The following RABGAP1L variants were observed in gnomAD, a reference collection of about 807,000 sequenced individuals.
The protein encoded by RABGAP1L is RAB GTPase activating protein 1 like.
RABGAP1L carries 63 observed loss-of-function variants against 137.7 expected under a neutral mutation model. That is an observed-to-expected ratio of 0.46 (90% CI 0.37 to 0.56). RABGAP1L has a LOEUF of 0.56. Ranked by LOEUF, RABGAP1L falls within the 20% of genes least tolerant of loss-of-function variation. The pLI, the probability that RABGAP1L is intolerant of heterozygous loss-of-function variation, is 0.00. For synonymous variants in RABGAP1L, 431 were observed against 433.7 expected (o/e 0.99, Z 0.08); for missense variants, 1,095 against 1,244.0 (o/e 0.88, Z 1.80).
Position 174,580,619 on chromosome 1 carries a change from G to A in RABGAP1L, c.1711-56756G>A, listed in dbSNP as rs539957818. Among the ~76,000 whole-genome samples, 11 of 152,156 alleles carry A rather than the reference G, an allele frequency of 7.2e-5. No homozygotes were observed. In the East Asian group the frequency reaches 1.9e-3, roughly 27 times the overall value. On this transcript the variant is annotated intron_variant, in intron 13 of 25. Transcript: ENST00000681986. ...CACAGGAAGGGGAACATCACACACCGGGGCCTGCTGTGGGGTGGGAGGAGG... is the reference window on the plus strand; with the variant it reads ...CACAGGAAGGGGAACATCACACACCAGGGCCTGCTGTGGGGTGGGAGGAGG...
intron 19 of RABGAP1L, among the ~76,000 whole-genome samples, chr1:174,937,621 T>A (rs1327767947): frequency 7.4e-6 from 1 of 134,310 alleles, no homozygotes; most frequent in African/African-American, 3.3e-5. Flanking sequence ...CTTCATTAAA[T>A]ATATATATAT....
intron 13 of RABGAP1L, among the ~76,000 whole-genome samples, chr1:174,596,619 A>T (rs1669948922): frequency 6.6e-6 from 1 of 152,142 alleles, no homozygotes; most frequent in African/African-American, 2.4e-5. Context: ...TTCTTGATTA[A>T]GTCTTTAGGT....
chr1:174,655,004 T>G (rs1408253958), intron 14 of RABGAP1L, among the ~76,000 whole-genome samples: 1 of 152,174 alleles, frequency 6.6e-6, no homozygotes, highest in Non-Finnish European at 1.5e-5. Context: ...TATATATACA[T>G]ATATTTCCAG....
At chr1:174,307,759 A>T (rs1678433989) in intron 11 of RABGAP1L, among the ~76,000 whole-genome samples, 1 of 152,172 alleles carries the variant, frequency 6.6e-6, no homozygotes, top group Non-Finnish European at 1.5e-5. Context: ...GGCTATTGTG[A>T]ATAATGCTGC....
intron 13 of RABGAP1L, among the ~76,000 whole-genome samples, chr1:174,552,661 T>C (rs927135823): frequency 6.6e-6 from 1 of 152,194 alleles, no homozygotes; most frequent in Non-Finnish European, 1.5e-5. Context: ...GTGTTTGCTT[T>C]TGTGAATAGT....
intron 22 of RABGAP1L, 73 bp downstream of exon 22, chr1:174,976,255 G>A: frequency 8.0e-7 from 1 of 1,243,908 alleles, no homozygotes; most frequent in Non-Finnish European, 1.1e-6. Flanking sequence ...AAAAAAGAAG[G>A]AAAATTAAAT....
intron 14 of RABGAP1L, among the ~76,000 whole-genome samples, chr1:174,649,912 A>T (rs1438501124): frequency 6.6e-6 from 1 of 152,130 alleles, no homozygotes; most frequent in Non-Finnish European, 1.5e-5. Context: ...GTCTTGTGCC[A>T]GTTTTCAAAG....
chr1:174,936,240 G>T (rs61828144), intron 19 of RABGAP1L, among the ~76,000 whole-genome samples: 16,742 of 152,008 alleles, frequency 0.11, 995 homozygotes, highest in East Asian at 0.22. Flanking sequence ...TGAGGTAAGA[G>T]AATCACTTGA....
intron 19 of RABGAP1L, among the ~76,000 whole-genome samples, chr1:174,898,786 C>T (rs1332124425): frequency 6.6e-6 from 1 of 152,032 alleles, no homozygotes; most frequent in African/African-American, 2.4e-5. Context: ...CTAACTTAAG[C>T]CTTTTTAAAA....
intron 20 of RABGAP1L, among the ~76,000 whole-genome samples, chr1:174,960,244 T>A (rs1026360780): frequency 1.3e-4 from 20 of 152,192 alleles, no homozygotes; most frequent in Non-Finnish European, 2.6e-4. Context: ...TTCAGTTCAG[T>A]GCTATTTCTT....
At chr1:174,695,975 G>C (rs1464149439) in intron 15 of RABGAP1L, among the ~76,000 whole-genome samples, 1 of 152,050 alleles carries the variant, frequency 6.6e-6, no homozygotes, top group Non-Finnish European at 1.5e-5. Flanking sequence ...CTCATGCTGG[G>C]CTTCCTGGAG....
At chr1:174,677,159 C>CAA (rs10636911) in intron 14 of RABGAP1L, among the ~76,000 whole-genome samples, 16 of 126,350 alleles carry the variant, frequency 1.3e-4, no homozygotes, top group African/African-American at 2.5e-4. Flanking sequence ...CCATCTCTAC[C>CAA]AAAAAAAAAA....
intron 1 of RABGAP1L, among the ~76,000 whole-genome samples, chr1:174,186,700 A>C (rs889402801): frequency 6.6e-6 from 1 of 152,244 alleles, no homozygotes; most frequent in Non-Finnish European, 1.5e-5. Context: ...AGAGAATGTG[A>C]TCAGATCTAG....
At chr1:174,230,194 C>T (rs1382067775) in intron 3 of RABGAP1L, among the ~76,000 whole-genome samples, 2 of 142,744 alleles carry the variant, frequency 1.4e-5, no homozygotes, top group Non-Finnish European at 3.0e-5. Context: ...GGGAATTGAA[C>T]TATGAGAACA....
intron 17 of RABGAP1L, among the ~76,000 whole-genome samples, chr1:174,710,042 A>G (rs1385930166): frequency 2.0e-5 from 3 of 152,234 alleles, no homozygotes; most frequent in Non-Finnish European, 4.4e-5. Context: ...AGCCAAATTG[A>G]TCAAGTGGAA....
At chr1:174,337,627 ATATGTAAG>A (rs1681601388) in intron 11 of RABGAP1L, among the ~76,000 whole-genome samples, 2 of 152,184 alleles carry the variant, frequency 1.3e-5, no homozygotes, top group Admixed American at 1.3e-4. Flanking sequence ...AGAACCTGTG[ATATGTAAG>A]TCTCATTTGA....
intron 19 of RABGAP1L, among the ~76,000 whole-genome samples, chr1:174,827,043 T>C (rs1691632494): frequency 6.6e-6 from 1 of 152,238 alleles, no homozygotes; most frequent in Admixed American, 6.5e-5. Flanking sequence ...GAGGCCTCTC[T>C]TCTTGGTTTC....
intron 13 of RABGAP1L, among the ~76,000 whole-genome samples, chr1:174,440,776 T>C (rs1013728006): frequency 6.6e-5 from 10 of 152,064 alleles, no homozygotes; most frequent in African/African-American, 2.4e-4. Context: ...AGGCTGGTCT[T>C]GAACTCCTGA....
chr1:174,170,671 C>CAAA (rs35800051), intron 1 of RABGAP1L, among the ~76,000 whole-genome samples: 10 of 85,346 alleles, frequency 1.2e-4, no homozygotes, highest in African/African-American at 2.4e-4. Context: ...GACGCTGTTT[C>CAAA]AAAAAAAAAA....
Sources: gnomAD v4.1 joint callset for allele counts (sites outside exome capture counted in the v4.1 genomes callset) on GRCh38, gnomAD v4.1.1 for gene constraint, MANE v1.5 for transcripts, NCBI Gene and HGNC (gene_info 2026-07-23, HGNC 2026-07-21) for gene names.